The following LINC00632 variants were observed in gnomAD, a reference collection of about 807,000 sequenced individuals.
The protein encoded by LINC00632 is ALDOA related specific transcript.
At chrX:140,787,675 AG>A (rs1301397991) in exon 5 of LINC00632, among the ~76,000 whole-genome samples, 5 of 111,657 alleles carry the variant, frequency 4.5e-5, no homozygotes, top group Non-Finnish European at 7.6e-5. Flanking sequence ...TGGGGTGGTT[AG>A]AAAATTATAT....
intron 2 of LINC00632, among the ~76,000 whole-genome samples, chrX:140,728,482 C>G (rs773948247): frequency 5.5e-5 from 6 of 109,644 alleles, no homozygotes; most frequent in Middle Eastern, 4.7e-3. Flanking sequence ...CCCCAGGACT[C>G]ACAGACTTGC....
chrX:140,709,801 C>T, exon 1 of LINC00632: 2 of 340,776 alleles, frequency 5.9e-6, no homozygotes, highest in Non-Finnish European at 1.2e-5. Flanking sequence ...GACAGCATGC[C>T]ACTGGTAAGT....
chrX:140,786,840 T>C (rs200995798), exon 5 of LINC00632, among the ~76,000 whole-genome samples: 1 of 111,827 alleles, frequency 8.9e-6, no homozygotes, highest in East Asian at 2.8e-4. Flanking sequence ...TATTCTTCCA[T>C]TAAAATGCTA....
intron 2 of LINC00632, among the ~76,000 whole-genome samples, chrX:140,721,594 C>T (rs888603999): frequency 2.7e-5 from 3 of 110,551 alleles, no homozygotes; most frequent in Admixed American, 9.7e-5. Flanking sequence ...ACTCACTGCT[C>T]GCCTCCTGCT....
At chrX:140,756,072 A>G (rs1424786988) in intron 3 of LINC00632, among the ~76,000 whole-genome samples, 1 of 111,791 alleles carries the variant, frequency 8.9e-6, no homozygotes, top group African/African-American at 3.2e-5. Context: ...AAAATAGAAC[A>G]ATAAGTAACT....
intron 2 of LINC00632, among the ~76,000 whole-genome samples, chrX:140,719,063 C>T (rs1930685932): frequency 1.8e-5 from 2 of 112,106 alleles, no homozygotes; most frequent in Admixed American, 9.5e-5. Flanking sequence ...AGGACATGTG[C>T]CATAACACAT....
intron 2 of LINC00632, among the ~76,000 whole-genome samples, chrX:140,723,393 CACACACATTCCAT>C (rs1188229116): frequency 4.8e-5 from 2 of 41,819 alleles, no homozygotes; most frequent in African/African-American, 1.2e-4. Context: ...ACATTCCATA[CACACACATTCCAT>C]ACACACACAT....
At chrX:140,772,099 C>T (rs1489106657) in exon 4 of LINC00632, 3 of 292,109 alleles carry the variant, frequency 1.0e-5, no homozygotes, top group East Asian at 4.8e-5. Flanking sequence ...CTCACCTCAG[C>T]GTGATAGCCT....
intron 3 of LINC00632, among the ~76,000 whole-genome samples, chrX:140,762,285 G>A (rs1314742895): frequency 9.4e-6 from 1 of 106,854 alleles, no homozygotes; most frequent in East Asian, 3.0e-4. Context: ...GAGCCACTTG[G>A]TAAAGTACTG....
chrX:140,784,611 G>A (rs1465007144), exon 5 of LINC00632: 3 of 437,352 alleles, frequency 6.9e-6, no homozygotes, highest in Non-Finnish European at 1.2e-5. Context: ...AACGTCTCCA[G>A]TGTGCTGATC....
At chrX:140,726,125 C>A (rs113367367) in intron 2 of LINC00632, among the ~76,000 whole-genome samples, 3 of 110,837 alleles carry the variant, frequency 2.7e-5, no homozygotes, top group East Asian at 2.8e-4. Flanking sequence ...TAAAAAAAAA[C>A]CACAAAGACA....
intron 3 of LINC00632, among the ~76,000 whole-genome samples, chrX:140,740,365 A>C (rs753691718): frequency 9.0e-6 from 1 of 111,528 alleles, no homozygotes; most frequent in East Asian, 2.8e-4. Flanking sequence ...CAGCTTCTCT[A>C]GTTTTTGTTT....
chrX:140,733,845 T>C (rs1199301054), intron 2 of LINC00632: 1 of 112,480 alleles, frequency 8.9e-6, no homozygotes, highest in East Asian at 2.8e-4. Context: ...TTTGTTGTTA[T>C]TACTGTCGTT....
intron 2 of LINC00632, among the ~76,000 whole-genome samples, chrX:140,731,830 C>T (rs1323208324): frequency 9.0e-6 from 1 of 111,412 alleles, no homozygotes; most frequent in Non-Finnish European, 1.9e-5. Flanking sequence ...GTCCCACAAA[C>T]TTACATATGT....
Position 140,739,597 on chromosome X carries a change from A to AATGCTTTC in LINC00632, n.191+5636_191+5643dup, listed in dbSNP as rs1411513646. Among the ~76,000 whole-genome samples, 4 of 111,629 alleles carry AATGCTTTC rather than the reference A, an allele frequency of 3.6e-5. No individual in the cohort carries two copies. The Admixed American group carries it at 3.8e-4, about 11-fold the overall frequency. On this transcript the variant is annotated intron_variant and non_coding_transcript_variant, in intron 3 of 4. Transcript: ENST00000648200. ...TACACTTCCAGATAAACTATGATGT[A>AATGCTTTC]ATGCTTTCATATTCATAGAATTTTA... is the stretch of plus-strand genomic sequence containing the variant.
intron 2 of LINC00632, among the ~76,000 whole-genome samples, chrX:140,724,126 C>G (rs1930845364): frequency 1.8e-5 from 1 of 54,387 alleles, no homozygotes; most frequent in Non-Finnish European, 3.9e-5. Flanking sequence ...ACACACATTC[C>G]ATACACAGAC....
chrX:140,721,100 A>C (rs1467969687), intron 2 of LINC00632, among the ~76,000 whole-genome samples: 1 of 111,867 alleles, frequency 8.9e-6, no homozygotes, highest in African/African-American at 3.3e-5. Context: ...AGACAAGACT[A>C]TCCACACAAT....
intron 3 of LINC00632, among the ~76,000 whole-genome samples, chrX:140,764,398 T>C (rs374884179): frequency 1.6e-4 from 17 of 108,453 alleles, no homozygotes; most frequent in African/African-American, 5.7e-4. Context: ...GTGGTGTAAC[T>C]GAGGAAGAGT....
intron 3 of LINC00632, among the ~76,000 whole-genome samples, chrX:140,759,140 T>A (rs1931547023): frequency 9.9e-6 from 1 of 101,143 alleles, no homozygotes; most frequent in Non-Finnish European, 2.0e-5. Flanking sequence ...AATTTTGTAT[T>A]TTTTTTTTTT....
Sources: allele counts gnomAD v4.1 joint callset (sites outside exome capture counted in the v4.1 genomes callset), GRCh38; gene constraint gnomAD v4.1.1; transcripts MANE v1.5; gene names NCBI Gene and HGNC (gene_info 2026-07-23, HGNC 2026-07-21).